PRDM1: variants seen among roughly 807,000 people sequenced by gnomAD.
The protein encoded by PRDM1 is PR domain zinc finger protein 1.
Under a neutral mutation model 62.8 loss-of-function variants are expected in PRDM1, and 13 were observed. The observed-to-expected ratio is 0.21, with a 90% CI of 0.13 to 0.33. PRDM1 has a LOEUF of 0.33. Among genes scored for constraint, PRDM1 ranks in the 10% least tolerant of loss-of-function variants. The pLI, the probability that PRDM1 is intolerant of heterozygous loss-of-function variation, is 1.00. For synonymous variants in PRDM1, 396 were observed against 417.6 expected, an observed-to-expected ratio of 0.95 and a Z score of 0.63; for missense variants, 895 against 1,058.8, an observed-to-expected ratio of 0.85 and a Z score of 2.15.
At chr6:106,069,061 C>T (rs1377583766) in intron 1 of PRDM1, among the ~76,000 whole-genome samples, 1 of 152,132 alleles carries the variant, frequency 6.6e-6, no homozygotes, top group Non-Finnish European at 1.5e-5. Context: ...AGCTTGACTA[C>T]CACTAGCCAT....
chr6:106,105,299 C>A lies in PRDM1; in HGVS notation c.1139C>A (p.Ser380Tyr). Residue 380 changes from serine to tyrosine, a missense_variant, in exon 5 of 7, where the codon TCC (serine) becomes TAC (tyrosine). Physicochemically the swap from Ser to Tyr is moderately radical, Grantham distance 144 (BLOSUM62 -2). Transcript: ENST00000369096. ...HRDSYAYLNASYGTEGLGSYP... is the reference protein window; with the variant it reads ...HRDSYAYLNAYYGTEGLGSYP... Reference sequence around the variant, plus strand: ...GACTCCTACGCTTACTTGAACGCGTCCTACGGCACGGAAGGTTTGGGCTCC... The same window carrying A: ...GACTCCTACGCTTACTTGAACGCGTACTACGGCACGGAAGGTTTGGGCTCC... 1 of 1,613,454 alleles carries A rather than the reference C, an allele frequency of 6.2e-7. No homozygotes were observed. Among genetic ancestry groups the A allele is most frequent in the Non-Finnish European group, 8.5e-7 (1 of 1,179,644 alleles).
chr6:106,032,462 A>G (rs1772858176), intron 1 of PRDM1, among the ~76,000 whole-genome samples: 1 of 152,010 alleles, frequency 6.6e-6, no homozygotes. Context: ...TGTTGGAGAC[A>G]AGAGTCTTCT....
At chr6:106,054,122 C>CTGA (rs1773226938) in intron 1 of PRDM1, among the ~76,000 whole-genome samples, 1 of 151,908 alleles carries the variant, frequency 6.6e-6, no homozygotes, top group Admixed American at 6.6e-5. Context: ...TGACCAAAGA[C>CTGA]TGATGGTGTC....
chr6:106,077,927 T>C (rs1773629467), intron 1 of PRDM1, among the ~76,000 whole-genome samples: 1 of 152,180 alleles, frequency 6.6e-6, no homozygotes. Flanking sequence ...TGGGAGAACA[T>C]TGAGTTAAGC....
In PRDM1 at chr6:106,108,374, A is replaced by G. The variant is rs1774570926; in HGVS notation, c.*888A>G. 4.3e-6 allele frequency: 1 copy of G among 233,356 alleles called. No homozygotes were observed. Among genetic ancestry groups the G allele is most frequent in the Admixed American group, 5.6e-5 (1 of 17,744 alleles). 14.5% of individuals were successfully genotyped at this position (233,356 alleles called of 1,614,324 possible). A position where few individuals can be genotyped will look rare whatever the true frequency, so the allele number is the denominator to read the frequency against. ...TTCAGAGCGGCCACATGACTTTTGC[A>G]TCCATTGTATTATCAGAAAATGTGA... On this transcript the variant is annotated 3_prime_UTR_variant, in exon 7 of 7. Coordinates refer to ENST00000369096, the MANE Select transcript of PRDM1 (RefSeq NM_001198.4).
chr6:106,058,339 G>GAA (rs1773294823), intron 1 of PRDM1, among the ~76,000 whole-genome samples: 1 of 152,162 alleles, frequency 6.6e-6, no homozygotes, highest in East Asian at 1.9e-4. Flanking sequence ...CAGAGTGAGA[G>GAA]AACTCTCTGA....
chr6:106,088,024 C>A, intron 1 of PRDM1, 177 bp from the exon 2 acceptor site: 6 of 291,446 alleles, frequency 2.1e-5, no homozygotes, highest in African/African-American at 2.8e-5. Flanking sequence ...ATTTAAAAAC[C>A]TTGCTTCTTT....
upstream of PRDM1, among the ~76,000 whole-genome samples, chr6:106,048,502 C>T (rs997804590): frequency 6.6e-6 from 1 of 152,164 alleles, no homozygotes; most frequent in African/African-American, 2.4e-5. Context: ...TAGTTCTGTC[C>T]ATACCTGTTC....
At chr6:106,006,745 A>G (rs1019616365) in intron 1 of PRDM1, among the ~76,000 whole-genome samples, 2 of 151,894 alleles carry the variant, frequency 1.3e-5, no homozygotes, top group African/African-American at 4.8e-5. Context: ...TGCTCCACTC[A>G]GGCATGGTGC....
chr6:105,998,933 A>ATATTTTT (rs1290453454), intron 1 of PRDM1, among the ~76,000 whole-genome samples: 2 of 6,394 alleles, frequency 3.1e-4, no homozygotes, highest in Admixed American at 1.7e-3. Flanking sequence ...ATATATATAT[A>ATATTTTT]TTTTTTTTTT....
intron 1 of PRDM1, among the ~76,000 whole-genome samples, chr6:106,002,976 T>C (rs1480754006): frequency 6.6e-6 from 1 of 151,206 alleles, no homozygotes; most frequent in Non-Finnish European, 1.5e-5. Context: ...TACTTTATTA[T>C]AATGCAATGT....
chr6:106,012,382 C>A (rs1219694622), intron 1 of PRDM1, among the ~76,000 whole-genome samples: 1 of 151,192 alleles, frequency 6.6e-6, no homozygotes, highest in Non-Finnish European at 1.5e-5. Context: ...ATTACACATA[C>A]CACACACAAA....
rs1486646581 is a variant in PRDM1 at position 106,030,015 on chromosome 6, C to T, written c.-67+36376C>T. 2.0e-5 allele frequency among the ~76,000 whole-genome samples: 3 copies of T among 152,118 alleles called. No individual in the cohort carries two copies. In the East Asian group the frequency reaches 5.8e-4, roughly 29 times the overall value. ...TTGTATATCTTCTTTGATGAAGTTTCTATTCTACTATTTTGCACATTTAGA... is the reference window on the plus strand; with the variant it reads ...TTGTATATCTTCTTTGATGAAGTTTTTATTCTACTATTTTGCACATTTAGA... On this transcript the variant is annotated intron_variant, in intron 1 of 6. Coordinates refer to the PRDM1 transcript ENST00000652320.
intron 1 of PRDM1, among the ~76,000 whole-genome samples, chr6:106,025,827 G>A: frequency 6.6e-6 from 1 of 152,136 alleles, no homozygotes; most frequent in East Asian, 1.9e-4. Flanking sequence ...ATGTCTTTCT[G>A]GTGTTTAGTC....
upstream of PRDM1, among the ~76,000 whole-genome samples, chr6:106,086,084 G>A (rs530559229): frequency 6.6e-6 from 1 of 152,182 alleles, no homozygotes; most frequent in African/African-American, 2.4e-5. Flanking sequence ...GAAGGAGGGC[G>A]ATCTGGAGTG....
intron 1 of PRDM1, among the ~76,000 whole-genome samples, chr6:106,066,308 C>G (rs781766689): frequency 1.3e-5 from 2 of 152,168 alleles, no homozygotes; most frequent in African/African-American, 2.4e-5. Context: ...TGGACAGGAG[C>G]TAGCTGATCA....
At chr6:106,091,330 C>T (rs1773953318) in intron 2 of PRDM1, among the ~76,000 whole-genome samples, 1 of 152,194 alleles carries the variant, frequency 6.6e-6, no homozygotes, top group South Asian at 2.1e-4. Context: ...CTCAAGCCAT[C>T]TGTAAAAAGT....
chr6:106,032,325 A>AT (rs71006666), intron 1 of PRDM1, among the ~76,000 whole-genome samples: 75,994 of 143,992 alleles, frequency 0.53, 20,139 homozygotes, highest in East Asian at 0.79. Flanking sequence ...CACCCAGCTA[A>AT]TTTTTTTTTT....
chr6:106,057,622 T>C (rs1287092536), intron 1 of PRDM1, among the ~76,000 whole-genome samples: 1 of 152,148 alleles, frequency 6.6e-6, no homozygotes, highest in Admixed American at 6.6e-5. Context: ...ACCTTACATA[T>C]GTCTATGCAG....
Sources: allele counts gnomAD v4.1 joint callset (sites outside exome capture counted in the v4.1 genomes callset), GRCh38; gene constraint gnomAD v4.1.1; transcripts MANE v1.5; gene names NCBI Gene and HGNC (gene_info 2026-07-23, HGNC 2026-07-21).